The following LRRK1 variants were observed in gnomAD, a reference collection of about 807,000 sequenced individuals.
The protein encoded by LRRK1 is leucine-rich repeat serine/threonine-protein kinase 1.
A neutral mutation model predicts 209.1 loss-of-function variants in LRRK1; 113 were observed. That is an observed-to-expected ratio of 0.54 (90% CI 0.46 to 0.63). The LOEUF (loss-of-function observed/expected upper bound fraction) is 0.63, where lower values mean the gene tolerates loss of function less well. Among genes scored for constraint, LRRK1 ranks in the 30% least tolerant of loss-of-function variants. LRRK1 has a pLI of 0.00. For missense variants in LRRK1, 2,284 were observed against 2,632.2 expected (o/e 0.87, Z 2.89); for synonymous variants, 1,144 against 1,099.7 (o/e 1.04, Z -0.80).
chr15:101,008,079 G>C (rs1205286575), intron 6 of LRRK1, among the ~76,000 whole-genome samples: 1 of 148,260 alleles, frequency 6.7e-6, no homozygotes, highest in Non-Finnish European at 1.5e-5. Context: ...GGAAGCGGCG[G>C]TTGCAGTGAG....
chr15:100,941,462 C>CTGTGTCTCTGTGTGTG (rs1293984855), intron 2 of LRRK1, among the ~76,000 whole-genome samples: 2 of 16,470 alleles, frequency 1.2e-4, no homozygotes, highest in Admixed American at 7.4e-4. Context: ...GTGTCTATGT[C>CTGTGTCTCTGTGTGTG]TCTGTGTGTG....
At position 100,966,947 on chromosome 15, in the gene LRRK1, T is replaced by G. The variant is rs28483709; in HGVS notation, c.98-6857T>G. Among the ~76,000 whole-genome samples, 132 of 152,330 alleles carry G rather than the reference T, an allele frequency of 8.7e-4. 3 individuals carry two copies. Among genetic ancestry groups the G allele is most frequent in the African/African-American group, 3.1e-3 (128 of 41,572 alleles). ...GTCCCTTAACTTGGGCTTAAAGGTTTAGCTGTTTGTATGTATGTTCCTAAC... is the reference window on the plus strand; with the variant it reads ...GTCCCTTAACTTGGGCTTAAAGGTTGAGCTGTTTGTATGTATGTTCCTAAC... On this transcript the variant is annotated intron_variant, in intron 2 of 33. Coordinates refer to ENST00000388948, the MANE Select transcript of LRRK1 (RefSeq NM_024652.6).
At chr15:100,965,918 A>G (rs1444403083) in intron 2 of LRRK1, among the ~76,000 whole-genome samples, 1 of 152,202 alleles carries the variant, frequency 6.6e-6, no homozygotes, top group African/African-American at 2.4e-5. Flanking sequence ...ATGTTCTACT[A>G]TTATTTTCCT....
At position 100,988,623 on chromosome 15, in the gene LRRK1, TCTC is replaced by T. The variant is rs1225093632; in HGVS notation, c.434-8_434-6del. The stretch of plus-strand genomic sequence containing the variant: ...GTGGCACTTTCCCTTTGTCCTGCCA[TCTC>T]CTGCCAGGTCCCTGCAGTCCCCAGC... On this transcript the variant is annotated splice_region_variant and splice_polypyrimidine_tract_variant and intron_variant, in intron 4 of 33. Transcript: ENST00000388948. 6.2e-7 allele frequency: 1 copy of T among 1,613,994 alleles called. No individual in the cohort carries two copies. The highest frequency in any genetic ancestry group is 8.5e-7 in the Non-Finnish European group (1 of 1,179,980).
intron 6 of LRRK1, 183 bp downstream of exon 6, chr15:100,989,581 AG>A: frequency 1.6e-6 from 1 of 630,408 alleles, no homozygotes; most frequent in Non-Finnish European, 2.7e-6. Context: ...ATGAAGGTGG[AG>A]GGCAAGAGAC....
intron 2 of LRRK1, among the ~76,000 whole-genome samples, chr15:100,943,427 A>C (rs1416308385): frequency 3.3e-5 from 5 of 152,168 alleles, no homozygotes; most frequent in African/African-American, 1.2e-4. Context: ...GCCTTTACAA[A>C]ATAATGTTTC....
chr15:101,040,709 G>T (rs1414710150), intron 20 of LRRK1, among the ~76,000 whole-genome samples: 1 of 152,056 alleles, frequency 6.6e-6, no homozygotes, highest in Non-Finnish European at 1.5e-5. Flanking sequence ...TTGCTATGTT[G>T]TGTTTTTATC....
intron 31 of LRRK1, among the ~76,000 whole-genome samples, chr15:101,063,853 T>TATGACCATG (rs1273956014): frequency 1.3e-5 from 2 of 150,776 alleles, no homozygotes; most frequent in Non-Finnish European, 2.9e-5. Context: ...TAGAGTCATT[T>TATGACCATG]ATGACCATGG....
chr15:100,939,573 C>T (rs940858396), intron 2 of LRRK1, among the ~76,000 whole-genome samples: 8 of 152,170 alleles, frequency 5.3e-5, no homozygotes, highest in Admixed American at 1.3e-4. Context: ...TCTTTATAAA[C>T]GTCCTAATGG....
At chr15:101,009,649 A>G (rs1324534491) in intron 7 of LRRK1, among the ~76,000 whole-genome samples, 2 of 152,092 alleles carry the variant, frequency 1.3e-5, no homozygotes, top group Admixed American at 6.5e-5. Flanking sequence ...GTGCAGTGGC[A>G]TAATCTCGGC....
intron 28 of LRRK1, among the ~76,000 whole-genome samples, chr15:101,057,272 C>T (rs1203444191): frequency 2.6e-5 from 4 of 152,184 alleles, no homozygotes; most frequent in Admixed American, 6.5e-5. Flanking sequence ...TCCTCCCCGA[C>T]TTTTGTGTTA....
chr15:101,032,434 C>T (rs1334255431), intron 20 of LRRK1, among the ~76,000 whole-genome samples: 4 of 141,148 alleles, frequency 2.8e-5, no homozygotes, highest in African/African-American at 5.1e-5. Flanking sequence ...CCCCCCTCCC[C>T]CTACCCGATA....
At chr15:101,042,079 T>C (rs530810665) in intron 20 of LRRK1, among the ~76,000 whole-genome samples, 33 of 152,344 alleles carry the variant, frequency 2.2e-4, no homozygotes, top group African/African-American at 7.7e-4. Flanking sequence ...AAACAATCAA[T>C]AGTCTTTTAA....
chr15:100,956,411 A>T (rs63297360), intron 2 of LRRK1, among the ~76,000 whole-genome samples: 25 of 4,226 alleles, frequency 5.9e-3, no homozygotes, highest in African/African-American at 0.02. Context: ...TTTGTCAATT[A>T]AAAAAAAAAA....
At chr15:100,982,459 C>G (rs2031657010) in intron 3 of LRRK1, among the ~76,000 whole-genome samples, 1 of 152,220 alleles carries the variant, frequency 6.6e-6, no homozygotes, top group South Asian at 2.1e-4. Context: ...CTTGGGCAAG[C>G]TCTGAAGCCT....
intron 20 of LRRK1, among the ~76,000 whole-genome samples, chr15:101,040,050 G>T (rs950962273): frequency 6.6e-6 from 1 of 152,046 alleles, no homozygotes; most frequent in Non-Finnish European, 1.5e-5. Flanking sequence ...AAGTCTTTAT[G>T]GGTTATCAGA....
intron 20 of LRRK1, among the ~76,000 whole-genome samples, chr15:101,045,495 C>T (rs1338647800): frequency 6.6e-6 from 1 of 152,216 alleles, no homozygotes; most frequent in South Asian, 2.1e-4. Context: ...AAGGCAATCG[C>T]GTCGTGTCAA....
intron 2 of LRRK1, among the ~76,000 whole-genome samples, chr15:100,942,877 G>A (rs919701396): frequency 1.3e-5 from 2 of 152,110 alleles, no homozygotes; most frequent in Admixed American, 6.5e-5. Flanking sequence ...GGTGGGGTGT[G>A]CACTCACCCG....
At chr15:101,001,965 G>C (rs1439330684) in intron 6 of LRRK1, among the ~76,000 whole-genome samples, 1 of 151,954 alleles carries the variant, frequency 6.6e-6, no homozygotes, top group African/African-American at 2.4e-5. Flanking sequence ...CCACAGAATC[G>C]TACAGAGGAA....
Sources: gnomAD v4.1 joint callset for allele counts (sites outside exome capture counted in the v4.1 genomes callset) on GRCh38, gnomAD v4.1.1 for gene constraint, MANE v1.5 for transcripts, NCBI Gene and HGNC (gene_info 2026-07-23, HGNC 2026-07-21) for gene names.